The following ST6GALNAC5 variants were observed in gnomAD, a reference collection of about 807,000 sequenced individuals.
ST6GALNAC5 encodes the protein alpha-N-acetylgalactosaminide alpha-2,6-sialyltransferase 5.
ST6GALNAC5 carries 27 observed loss-of-function variants against 33.6 expected under a neutral mutation model. That is an observed-to-expected ratio of 0.80 (90% confidence interval 0.59 to 1.11). ST6GALNAC5 has a LOEUF of 1.11. ST6GALNAC5 is among the 50% of genes least tolerant of loss of function. The pLI, the probability that ST6GALNAC5 is intolerant of heterozygous loss-of-function variation, is 0.00. For synonymous variants in ST6GALNAC5, 194 were observed against 171.2 expected, an observed-to-expected ratio of 1.13 and a Z score of -1.04; for missense variants, 428 against 454.0, an observed-to-expected ratio of 0.94 and a Z score of 0.52.
At chr1:77,013,595 G>C (rs1650719974) in intron 2 of ST6GALNAC5, among the ~76,000 whole-genome samples, 1 of 152,296 alleles carries the variant, frequency 6.6e-6, no homozygotes, top group African/African-American at 2.4e-5. Context: ...TTCATCCCCA[G>C]TGTGAGGAGA....
At chr1:76,994,577 C>T (rs1250893082) in intron 2 of ST6GALNAC5, among the ~76,000 whole-genome samples, 3 of 151,982 alleles carry the variant, frequency 2.0e-5, no homozygotes, top group African/African-American at 7.3e-5. Context: ...TTAAAGACCC[C>T]GAGCCCACAC....
At chr1:77,062,836 CAGA>C (rs1201446283) in intron 4 of ST6GALNAC5, 136 bp from the exon 5 acceptor site, 4 of 630,442 alleles carry the variant, frequency 6.3e-6, no homozygotes, top group African/African-American at 1.8e-5. Flanking sequence ...ATTGTGTAAT[CAGA>C]AAAACCATTT....
chr1:76,963,133 C>T (rs1648312950), intron 2 of ST6GALNAC5, among the ~76,000 whole-genome samples: 1 of 152,064 alleles, frequency 6.6e-6, no homozygotes, highest in African/African-American at 2.4e-5. Context: ...TGAGCTAAGG[C>T]AGGGTTAAGT....
intron 2 of ST6GALNAC5, among the ~76,000 whole-genome samples, chr1:76,969,620 C>T (rs1648654091): frequency 6.6e-6 from 1 of 152,198 alleles, no homozygotes; most frequent in Non-Finnish European, 1.5e-5. Flanking sequence ...CAAAAGGCAG[C>T]AGAAACTTCT....
intron 2 of ST6GALNAC5, among the ~76,000 whole-genome samples, chr1:76,898,356 A>G (rs947525937): frequency 6.6e-6 from 1 of 152,178 alleles, no homozygotes; most frequent in Non-Finnish European, 1.5e-5. Context: ...AGGAATTGCA[A>G]CTCAGAAATA....
chr1:77,030,407 A>C (rs564266937), intron 2 of ST6GALNAC5, among the ~76,000 whole-genome samples: 1 of 152,290 alleles, frequency 6.6e-6, no homozygotes, highest in African/African-American at 2.4e-5. Context: ...ACAGGCTTAC[A>C]TTGGGGTTAA....
intron 2 of ST6GALNAC5, among the ~76,000 whole-genome samples, chr1:77,001,102 T>C (rs1650142103): frequency 6.6e-6 from 1 of 151,964 alleles, no homozygotes; most frequent in Non-Finnish European, 1.5e-5. Flanking sequence ...ATGTTCACGA[T>C]ATTGATTCTT....
chr1:77,060,155 T>C (rs1652529102), intron 4 of ST6GALNAC5: 1 of 152,192 alleles, frequency 6.6e-6, no homozygotes, highest in Non-Finnish European at 1.5e-5. Flanking sequence ...GTTCTCAAAC[T>C]GGCTGTCAGA....
chr1:76,911,072 T>C (rs1003823739), intron 2 of ST6GALNAC5, among the ~76,000 whole-genome samples: 2 of 152,056 alleles, frequency 1.3e-5, no homozygotes, highest in Admixed American at 6.6e-5. Context: ...AGGAAAAACT[T>C]CAGGCTGATA....
chr1:76,874,346 A>G (rs1172426897), intron 2 of ST6GALNAC5, among the ~76,000 whole-genome samples: 4 of 152,224 alleles, frequency 2.6e-5, no homozygotes, highest in African/African-American at 9.6e-5. Flanking sequence ...TCTCTGTAAC[A>G]TATGGTGACC....
chr1:76,939,621 C>G (rs949951252), intron 2 of ST6GALNAC5, among the ~76,000 whole-genome samples: 3 of 152,070 alleles, frequency 2.0e-5, no homozygotes, highest in African/African-American at 7.2e-5. Context: ...TGCTCACTAA[C>G]GGTGTCTCCC....
chr1:76,876,503 C>T (rs924926898), intron 2 of ST6GALNAC5, among the ~76,000 whole-genome samples: 1 of 152,192 alleles, frequency 6.6e-6, no homozygotes, highest in African/African-American at 2.4e-5. Flanking sequence ...AATATCTTCA[C>T]ATTTTTTGAC....
chr1:77,004,341 A>T (rs1373655079), intron 2 of ST6GALNAC5, among the ~76,000 whole-genome samples: 2 of 148,674 alleles, frequency 1.3e-5, no homozygotes, highest in Non-Finnish European at 3.0e-5. Context: ...TTTCAGCTCC[A>T]TCAGCTCCTT....
intron 2 of ST6GALNAC5, among the ~76,000 whole-genome samples, chr1:76,997,860 A>AAATCTCACC (rs1649995384): frequency 1.3e-5 from 2 of 152,140 alleles, no homozygotes; most frequent in Non-Finnish European, 2.9e-5. Context: ...GTTCCCACCC[A>AAATCTCACC]AATCTCACCT....
At chr1:77,043,252 C>T (rs965755059) in intron 2 of ST6GALNAC5, among the ~76,000 whole-genome samples, 22 of 152,278 alleles carry the variant, frequency 1.4e-4, no homozygotes, top group Admixed American at 1.4e-3. Flanking sequence ...TATCTTCAAA[C>T]AGCAACTAGA....
chr1:77,006,225 G>A (rs1364228869), intron 2 of ST6GALNAC5, among the ~76,000 whole-genome samples: 2 of 151,766 alleles, frequency 1.3e-5, no homozygotes, highest in East Asian at 1.9e-4. Context: ...CATGATCACA[G>A]CTCACTGCAG....
chr1:76,992,750 C>T (rs753960774), intron 2 of ST6GALNAC5, among the ~76,000 whole-genome samples: 3 of 152,146 alleles, frequency 2.0e-5, no homozygotes, highest in Non-Finnish European at 4.4e-5. Flanking sequence ...CCACCTCGGC[C>T]TTCCAAAGTG....
rs566766919 is a variant in ST6GALNAC5, at chr1:76,901,386, A to T, written c.261+32644A>T. 3.3e-5 allele frequency among the ~76,000 whole-genome samples: 5 copies of T among 152,296 alleles called. No homozygotes were observed. The East Asian group carries it at 9.7e-4, about 29-fold the overall frequency. ...GCACTGAGATTGTCTCCAGCCCAGGAAGCAGTGGGCACTGTTTAGTATGGG... is the reference window on the plus strand; with the variant it reads ...GCACTGAGATTGTCTCCAGCCCAGGTAGCAGTGGGCACTGTTTAGTATGGG... On this transcript the variant is annotated intron_variant, in intron 2 of 4. Coordinates refer to ENST00000477717, the MANE Select transcript of ST6GALNAC5 (RefSeq NM_030965.3).
chr1:76,995,615 T>C (rs1215765282), intron 2 of ST6GALNAC5: 1 of 152,042 alleles, frequency 6.6e-6, no homozygotes. Flanking sequence ...AAAAAAATAA[T>C]GTGAATTATT....
Sources: allele counts gnomAD v4.1 joint callset (sites outside exome capture counted in the v4.1 genomes callset), GRCh38; gene constraint gnomAD v4.1.1; transcripts MANE v1.5; gene names NCBI Gene and HGNC (gene_info 2026-07-23, HGNC 2026-07-21).